The following TMEM45A variants were observed in gnomAD, a reference collection of about 807,000 sequenced individuals.
The protein encoded by TMEM45A is transmembrane protein 45A.
Under a neutral mutation model 32.0 loss-of-function variants are expected in TMEM45A, and 25 were observed. The observed-to-expected ratio is 0.78, with a 90% confidence interval of 0.57 to 1.09. The LOEUF (loss-of-function observed/expected upper bound fraction) is 1.09. Among genes scored for constraint, TMEM45A ranks in the 50% least tolerant of loss-of-function variants. The probability of loss-of-function intolerance (pLI) is 0.00; values close to 1 mark genes in which losing one functional copy is unlikely to be tolerated. For synonymous variants in TMEM45A, 122 were observed against 114.8 expected (o/e 1.06, Z -0.40); for missense variants, 302 against 325.0 (o/e 0.93, Z 0.54).
intron 1 of TMEM45A, among the ~76,000 whole-genome samples, chr3:100,505,929 G>A (rs979719994): frequency 6.6e-6 from 1 of 152,196 alleles, no homozygotes; most frequent in Non-Finnish European, 1.5e-5. Context: ...AGAGGCTGGG[G>A]AAACCAAGGT....
chr3:100,559,882 A>T (rs1706296379), intron 4 of TMEM45A, among the ~76,000 whole-genome samples: 1 of 152,224 alleles, frequency 6.6e-6, no homozygotes, highest in Non-Finnish European at 1.5e-5. Flanking sequence ...AGTAGAAAAC[A>T]CTAACTGCAA....
chr3:100,556,932 C>T lies in TMEM45A; in HGVS notation c.363C>T (p.Ser121=). Residue 121 remains serine, a synonymous_variant, in exon 3 of 6, where the codon TCC becomes TCT. Transcript: ENST00000323523. Reference sequence around the variant, plus strand: ...TCACCATCAGTTCACTTCCTGTGTCCTTAACCAAGTTAATGTTGTCAAATG... The same window carrying T: ...TCACCATCAGTTCACTTCCTGTGTCTTTAACCAAGTTAATGTTGTCAAATG... ...LCFTISSLPV[S]LTKLMLSNAL... 1.2e-6 allele frequency: 2 copies of T among 1,614,152 alleles called. No individual in the cohort carries two copies. Among genetic ancestry groups the T allele is most frequent in the Non-Finnish European group, 1.7e-6 (2 of 1,180,020 alleles).
chr3:100,505,785 C>T (rs921085943), intron 1 of TMEM45A, among the ~76,000 whole-genome samples: 3 of 152,174 alleles, frequency 2.0e-5, no homozygotes, highest in Admixed American at 6.6e-5. Context: ...CAGCAGTAAT[C>T]TCTAAGAAAT....
At chr3:100,493,707 G>A (rs1444025727) in intron 1 of TMEM45A, among the ~76,000 whole-genome samples, 6 of 151,720 alleles carry the variant, frequency 4.0e-5, no homozygotes, top group African/African-American at 9.7e-5. Flanking sequence ...CTCTATATAC[G>A]CTATATATTT....
At chr3:100,516,437 T>C (rs1159994822) in intron 1 of TMEM45A, among the ~76,000 whole-genome samples, 1 of 152,192 alleles carries the variant, frequency 6.6e-6, no homozygotes, top group Non-Finnish European at 1.5e-5. Context: ...TGTGTTCTGA[T>C]TGGTTCTCAG....
intron 1 of TMEM45A, among the ~76,000 whole-genome samples, chr3:100,495,288 G>A (rs990293524): frequency 7.2e-5 from 11 of 152,194 alleles, no homozygotes; most frequent in Non-Finnish European, 1.2e-4. Context: ...AAGGGCTTGC[G>A]TTTCTGGGAA....
chr3:100,569,358 C>T (rs1706511142), intron 5 of TMEM45A, among the ~76,000 whole-genome samples: 1 of 152,120 alleles, frequency 6.6e-6, no homozygotes, highest in Non-Finnish European at 1.5e-5. Flanking sequence ...GCTTCGAGTC[C>T]TTTTTTGACC....
chr3:100,517,709 T>C (rs1708286724), intron 1 of TMEM45A, among the ~76,000 whole-genome samples: 1 of 152,198 alleles, frequency 6.6e-6, no homozygotes, highest in Non-Finnish European at 1.5e-5. Context: ...TCTGAGTCTG[T>C]GGTGAATAAA....
At chr3:100,562,825 G>T (rs1559652430) in intron 4 of TMEM45A, among the ~76,000 whole-genome samples, 2 of 152,170 alleles carry the variant, frequency 1.3e-5, no homozygotes, top group Admixed American at 1.3e-4. Flanking sequence ...ATGCTGTCCT[G>T]GGGAGAGGGC....
rs1288972090 is a variant in TMEM45A, at chr3:100,571,997, C to T, written c.734+3030C>T. 7 of 152,274 alleles carry T rather than the reference C, an allele frequency of 4.6e-5. No individual in the cohort carries two copies. The South Asian group carries it at 1.2e-3, about 27-fold the overall frequency. 9.4% of individuals were successfully genotyped at this position (152,274 alleles called of 1,614,324 possible). Reference sequence around the variant, plus strand: ...GCCACATTTTCTTAATCCAATCTATCGTTGTTGGACATTTAGGTTGGTTCC... The same window carrying T: ...GCCACATTTTCTTAATCCAATCTATTGTTGTTGGACATTTAGGTTGGTTCC... On this transcript the variant is annotated intron_variant, in intron 5 of 5. Coordinates refer to ENST00000323523, the MANE Select transcript of TMEM45A (RefSeq NM_018004.3).
chr3:100,508,569 C>T (rs1708110795), intron 1 of TMEM45A, among the ~76,000 whole-genome samples: 4 of 152,030 alleles, frequency 2.6e-5, no homozygotes, highest in Admixed American at 2.6e-4. Flanking sequence ...ATACCACAGA[C>T]CTATAGTAAG....
chr3:100,564,635 A>T (rs1266345629), intron 4 of TMEM45A, among the ~76,000 whole-genome samples: 1 of 152,114 alleles, frequency 6.6e-6, no homozygotes, highest in Non-Finnish European at 1.5e-5. Flanking sequence ...GGCACATGCC[A>T]CCAGGCCTAG....
chr3:100,568,382 A>T (rs1309950599), intron 4 of TMEM45A, among the ~76,000 whole-genome samples: 1 of 152,222 alleles, frequency 6.6e-6, no homozygotes, highest in African/African-American at 2.4e-5. Flanking sequence ...ATTCAATAGA[A>T]GTGTGAAAGC....
Position 100,557,844 on chromosome 3 carries a change from C to T in TMEM45A, c.404-561C>T, listed in dbSNP as rs560180165. Among the ~76,000 whole-genome samples, 6 of 152,240 alleles carry T rather than the reference C, an allele frequency of 3.9e-5. No individual in the cohort carries two copies. The South Asian group carries it at 1.0e-3, about 26-fold the overall frequency. ...AATCTGTCTACAGGATGAAGAAATG[C>T]AGTTATTTACTACTTCTTGGGAGCT... On this transcript the variant is annotated intron_variant, in intron 3 of 5. Coordinates refer to ENST00000323523, the MANE Select transcript of TMEM45A (RefSeq NM_018004.3).
At chr3:100,502,736 G>T (rs530038391) in intron 1 of TMEM45A, among the ~76,000 whole-genome samples, 3 of 152,242 alleles carry the variant, frequency 2.0e-5, no homozygotes, top group African/African-American at 7.2e-5. Context: ...CTCCCAAAGT[G>T]CTGGGAAAAC....
chr3:100,549,276 C>CAA (rs200815281), intron 1 of TMEM45A, among the ~76,000 whole-genome samples: 1 of 151,226 alleles, frequency 6.6e-6, no homozygotes, highest in African/African-American at 2.4e-5. Context: ...AAAAAACAAA[C>CAA]AAAAAAACCA....
intron 5 of TMEM45A, among the ~76,000 whole-genome samples, chr3:100,575,025 C>G (rs62274581): frequency 0.3 from 45,854 of 151,936 alleles, 7,514 homozygotes; most frequent in African/African-American, 0.4. Flanking sequence ...TACAGGCAGG[C>G]CAGACTTTCA....
intron 4 of TMEM45A, among the ~76,000 whole-genome samples, chr3:100,558,890 T>C (rs1706275177): frequency 6.6e-6 from 1 of 152,198 alleles, no homozygotes; most frequent in Admixed American, 6.5e-5. Flanking sequence ...TATAGCATAA[T>C]AAGCTTAAGA....
In TMEM45A at chr3:100,505,999, C is replaced by A. The variant is rs1708074536; in HGVS notation, c.-4+13071C>A. On this transcript the variant is annotated intron_variant, in intron 1 of 5. Transcript: ENST00000323523. ...GAGAGCTGCATGGAGAGAGAGGACC[C>A]CGATAACTGCAGAGGGGGCCCTCAA... Among the ~76,000 whole-genome samples the A allele has an allele frequency of 3.9e-5, 6 of 152,116 alleles. No individual in the cohort carries two copies. In the South Asian group the frequency reaches 1.2e-3, roughly 31 times the overall value.
Sources: allele counts gnomAD v4.1 joint callset (sites outside exome capture counted in the v4.1 genomes callset), GRCh38; gene constraint gnomAD v4.1.1; transcripts MANE v1.5; gene names NCBI Gene and HGNC (gene_info 2026-07-23, HGNC 2026-07-21).